Variants in CALN1 observed in about 807,000 individuals in gnomAD.
CALN1 encodes the protein calneuron 1.
In CALN1, 17 loss-of-function variants were observed where a neutral mutation model predicts 30.6. That is an observed-to-expected ratio of 0.56 (90% CI 0.38 to 0.83). The LOEUF is 0.83. CALN1 is among the 40% of genes least tolerant of loss of function. CALN1 has a pLI of 0.00. For synonymous variants in CALN1, 156 were observed against 131.4 expected, an observed-to-expected ratio of 1.19 and a Z score of -1.28; for missense variants, 291 against 354.9, an observed-to-expected ratio of 0.82 and a Z score of 1.45.
chr7:72,011,454 G>A (rs1434535977), intron 5 of CALN1, among the ~76,000 whole-genome samples: 1 of 152,076 alleles, frequency 6.6e-6, no homozygotes, highest in African/African-American at 2.4e-5. Flanking sequence ...GGCTCCTCCA[G>A]GACACCATCC....
chr7:72,462,669 G>A, the CALN1 span, among the ~76,000 whole-genome samples: 4 of 152,244 alleles, frequency 2.6e-5, no homozygotes, highest in African/African-American at 4.8e-5. Context: ...CTTGCCCCAC[G>A]CAGGTTCACC....
intron 5 of CALN1, 91 bp downstream of exon 5, chr7:72,023,566 G>T: frequency 1.1e-6 from 1 of 885,816 alleles, no homozygotes; most frequent in Non-Finnish European, 1.8e-6. Context: ...AGATCTTCAC[G>T]TGCCAAATAG....
intron 5 of CALN1, among the ~76,000 whole-genome samples, chr7:72,005,603 T>C (rs1415484344): frequency 7.2e-5 from 11 of 152,116 alleles, no homozygotes; most frequent in African/African-American, 2.4e-4. Flanking sequence ...AGTGCTAGGC[T>C]TATGGACATG....
intron 5 of CALN1, among the ~76,000 whole-genome samples, chr7:71,985,788 C>T (rs1392454710): frequency 6.6e-6 from 1 of 151,800 alleles, no homozygotes; most frequent in Non-Finnish European, 1.5e-5. Context: ...CAGGATTTCT[C>T]TGTGTTGGCC....
chr7:72,089,199 TTTC>T (rs1480927851), intron 4 of CALN1, among the ~76,000 whole-genome samples: 51 of 152,176 alleles, frequency 3.4e-4, no homozygotes, highest in Non-Finnish European at 7.3e-5. Flanking sequence ...TAACATTTAA[TTTC>T]TTATCTTCCA....
intron 5 of CALN1, among the ~76,000 whole-genome samples, chr7:71,915,708 C>T (rs1369063089): frequency 6.6e-6 from 1 of 151,994 alleles, no homozygotes; most frequent in Non-Finnish European, 1.5e-5. Context: ...CACTCCAGCC[C>T]CGCAACAGAG....
At chr7:71,894,037 C>T (rs797017140) in intron 5 of CALN1, among the ~76,000 whole-genome samples, 11 of 152,108 alleles carry the variant, frequency 7.2e-5, no homozygotes, top group African/African-American at 2.4e-4. Context: ...TATTCTGTCA[C>T]GTTCTTCAGG....
At chr7:71,917,476 A>G (rs191120739) in intron 5 of CALN1, among the ~76,000 whole-genome samples, 1 of 152,326 alleles carries the variant, frequency 6.6e-6, no homozygotes, top group East Asian at 1.9e-4. Flanking sequence ...TATGCTAATT[A>G]ATTGATTGCT....
chr7:72,095,484 C>G (rs1193634070), intron 4 of CALN1, among the ~76,000 whole-genome samples: 1 of 152,108 alleles, frequency 6.6e-6, no homozygotes, highest in Non-Finnish European at 1.5e-5. Context: ...TTCACAAATG[C>G]AGGCATTTGC....
chr7:72,087,905 G>C (rs1805587822), intron 4 of CALN1, among the ~76,000 whole-genome samples: 1 of 152,214 alleles, frequency 6.6e-6, no homozygotes, highest in African/African-American at 2.4e-5. Flanking sequence ...GTGCACGCCT[G>C]TAATCCCAGC....
rs897329746 is a variant in CALN1, at chr7:72,041,242, G to GTTA, written c.389-17476_389-17474dup. 5.9e-5 allele frequency among the ~76,000 whole-genome samples: 9 copies of GTTA among 152,242 alleles called. No homozygotes were observed. The South Asian group carries it at 6.2e-4, about 11-fold the overall frequency. On this transcript the variant is annotated intron_variant, in intron 4 of 6. Coordinates refer to ENST00000395275, the MANE Select transcript of CALN1 (RefSeq NM_031468.4). ...GGACACCTCCAATCAAGGGCAGGTG[G>GTTA]TTAGTCTCTAGTAATGTTCAATGCC...
At chr7:72,213,065 A>C (rs1331628801) in intron 3 of CALN1, among the ~76,000 whole-genome samples, 1 of 152,156 alleles carries the variant, frequency 6.6e-6, no homozygotes, top group East Asian at 1.9e-4. Context: ...CCTGCTGACG[A>C]ATTTCTGCTC....
At chr7:72,482,220 A>T in the CALN1 span, among the ~76,000 whole-genome samples, 15 of 152,240 alleles carry the variant, frequency 9.9e-5, no homozygotes, top group East Asian at 2.9e-3. Flanking sequence ...ATTAGTGTTA[A>T]CATCATTTGC....
chr7:72,145,033 A>T (rs1045256226), intron 3 of CALN1, among the ~76,000 whole-genome samples: 32 of 152,130 alleles, frequency 2.1e-4, no homozygotes, highest in African/African-American at 7.5e-4. Context: ...AGTTCTAAAA[A>T]TGACACCCTA....
At chr7:72,109,652 GC>G (rs1221569944) in intron 3 of CALN1, among the ~76,000 whole-genome samples, 1 of 152,214 alleles carries the variant, frequency 6.6e-6, no homozygotes, top group African/African-American at 2.4e-5. Context: ...GGAGCGTGGA[GC>G]CACTACTCAG....
chr7:72,280,824 T>C (rs1443795483), intron 2 of CALN1, among the ~76,000 whole-genome samples: 3 of 152,148 alleles, frequency 2.0e-5, no homozygotes. Flanking sequence ...ATAGGTTACC[T>C]ATCACAAGAG....
At chr7:71,818,433 T>A (rs1241545998) in intron 5 of CALN1, among the ~76,000 whole-genome samples, 1 of 151,944 alleles carries the variant, frequency 6.6e-6, no homozygotes, top group Non-Finnish European at 1.5e-5. Context: ...CAGGAGAAGG[T>A]GGGAAGGAAT....
intron 3 of CALN1, among the ~76,000 whole-genome samples, chr7:72,256,261 C>G (rs1261262979): frequency 2.0e-5 from 3 of 152,086 alleles, no homozygotes; most frequent in African/African-American, 4.8e-5. Flanking sequence ...AAGTCTGAGA[C>G]AAGCCTGAGC....
intron 5 of CALN1, among the ~76,000 whole-genome samples, chr7:71,872,616 T>C (rs1792001888): frequency 1.3e-5 from 2 of 151,690 alleles, no homozygotes; most frequent in Admixed American, 6.6e-5. Context: ...TTCTTTCTTT[T>C]TTTCTTTTTT....
Sources: allele counts gnomAD v4.1 joint callset (sites outside exome capture counted in the v4.1 genomes callset), GRCh38; gene constraint gnomAD v4.1.1; transcripts MANE v1.5; gene names NCBI Gene and HGNC (gene_info 2026-07-23, HGNC 2026-07-21).